SDCCAG8: variants seen among roughly 807,000 people sequenced by gnomAD.
SDCCAG8 encodes the protein SHH signaling and ciliogenesis regulator SDCCAG8, also known as serologically defined colon cancer antigen 8.
A neutral mutation model predicts 101.8 loss-of-function variants in SDCCAG8; 74 were observed. The observed-to-expected ratio is 0.73, with a 90% CI of 0.60 to 0.88. The LOEUF is 0.88. Among genes scored for constraint, SDCCAG8 ranks in the 40% least tolerant of loss-of-function variants. SDCCAG8 has a pLI of 0.00. For synonymous variants in SDCCAG8, 281 were observed against 292.9 expected (o/e 0.96, Z 0.41); for missense variants, 787 against 822.6 (o/e 0.96, Z 0.53).
rs2068379887 is a variant in SDCCAG8, at chr1:243,274,668, A to G, written c.420+12A>G. 2 of 1,449,824 alleles carry G rather than the reference A, an allele frequency of 1.4e-6. No individual in the cohort carries two copies. The highest frequency in any genetic ancestry group is 1.9e-6 in the Non-Finnish European group (2 of 1,032,252). 89.8% of individuals were successfully genotyped at this position (1,449,824 alleles called of 1,614,324 possible). ...TTAAGTTCTGCAAGGTAAGTTTCTCATTAAGAATTTAAAACTAAATAAATG... is the reference window on the plus strand; with the variant it reads ...TTAAGTTCTGCAAGGTAAGTTTCTCGTTAAGAATTTAAAACTAAATAAATG... On this transcript the variant is annotated intron_variant, in intron 4 of 17. Transcript: ENST00000366541.
At chr1:243,340,398 T>G (rs2075315684) in intron 10 of SDCCAG8, among the ~76,000 whole-genome samples, 1 of 152,150 alleles carries the variant, frequency 6.6e-6, no homozygotes, top group African/African-American at 2.4e-5. Context: ...ACCCTGAACG[T>G]GGGAAGGGTC....
chr1:243,491,753 T>C (rs899080047), intron 17 of SDCCAG8, among the ~76,000 whole-genome samples: 10 of 152,204 alleles, frequency 6.6e-5, no homozygotes, highest in Admixed American at 4.6e-4. Flanking sequence ...GCCTGAGGGC[T>C]CCGGAGTGCT....
chr1:243,322,699 C>G (rs2073852682), intron 9 of SDCCAG8, among the ~76,000 whole-genome samples: 1 of 152,050 alleles, frequency 6.6e-6, no homozygotes, highest in African/African-American at 2.4e-5. Context: ...CACTAGCACT[C>G]TACAGTGCCT....
At position 243,477,033 on chromosome 1, in the gene SDCCAG8, C is replaced by G. The variant is rs79433468; in HGVS notation, c.1986-11981C>G. ...ACACACACACACACACACACACACACAGAGAGAAAGGCAGGAGAGCGTAAT... is the reference window on the plus strand; with the variant it reads ...ACACACACACACACACACACACACAGAGAGAGAAAGGCAGGAGAGCGTAAT... On this transcript the variant is annotated intron_variant, in intron 16 of 17. Transcript: ENST00000366541. 7.3e-3 allele frequency among the ~76,000 whole-genome samples: 1,095 copies of G among 150,370 alleles called. 13 individuals are homozygous for G. Among genetic ancestry groups the G allele is most frequent in the East Asian group, 0.033 (169 of 5,128 alleles).
Position 243,499,769 on chromosome 1 carries a change from C to T in SDCCAG8, c.2126C>T (p.Pro709Leu), listed in dbSNP as rs1489827909. The change falls in exon 18 of 18, where the codon CCA becomes CTA. Residue 709 changes from proline to leucine, a missense_variant. Transcript: ENST00000366541. ...DRLRTQLPSM[P>L]QSDC is the part of the protein sequence containing the mutation. ...TATTTTTTCCAGTTACCCAGCATGC[C>T]ACAATCTGATTGCTGACCTGGATGG... 6.2e-7 allele frequency: 1 copy of T among 1,612,406 alleles called. No homozygotes were observed. Among genetic ancestry groups the T allele is most frequent in the East Asian group, 2.2e-5 (1 of 44,878 alleles).
intron 13 of SDCCAG8, among the ~76,000 whole-genome samples, chr1:243,394,996 A>T (rs908762568): frequency 6.6e-6 from 1 of 152,134 alleles, no homozygotes; most frequent in African/African-American, 2.4e-5. Flanking sequence ...TGAGTTCCTG[A>T]ATTAGTCCAT....
intron 12 of SDCCAG8, among the ~76,000 whole-genome samples, chr1:243,368,220 AAAAAG>A (rs2077093610): frequency 6.6e-6 from 1 of 151,998 alleles, no homozygotes; most frequent in Non-Finnish European, 1.5e-5. Context: ...TCAAAAAAAA[AAAAAG>A]AAGAAGAAGA....
At chr1:243,278,810 T>G (rs906801708) in intron 4 of SDCCAG8, among the ~76,000 whole-genome samples, 1 of 152,130 alleles carries the variant, frequency 6.6e-6, no homozygotes, top group Admixed American at 6.5e-5. Context: ...TGAGGAAGGG[T>G]CTTGCTGGAG....
At chr1:243,408,365 CAGG>C (rs2079935295) in intron 13 of SDCCAG8, among the ~76,000 whole-genome samples, 1 of 152,120 alleles carries the variant, frequency 6.6e-6, no homozygotes, top group Admixed American at 6.6e-5. Flanking sequence ...CCACTTGAGG[CAGG>C]AGATGTGTTT....
intron 12 of SDCCAG8, among the ~76,000 whole-genome samples, chr1:243,347,378 C>T (rs1046109996): frequency 2.0e-5 from 3 of 152,140 alleles, no homozygotes; most frequent in Non-Finnish European, 4.4e-5. Flanking sequence ...TTCTTTGTCT[C>T]AAAAATGTTG....
chr1:243,278,149 T>C (rs2068731532), intron 4 of SDCCAG8, among the ~76,000 whole-genome samples: 1 of 152,344 alleles, frequency 6.6e-6, no homozygotes, highest in African/African-American at 2.4e-5. Flanking sequence ...TACTTAGATC[T>C]TCTTTGATTT....
intron 13 of SDCCAG8, among the ~76,000 whole-genome samples, chr1:243,404,167 A>G (rs185960920): frequency 1.3e-5 from 2 of 152,282 alleles, no homozygotes; most frequent in Admixed American, 1.3e-4. Context: ...GTATTTTAGG[A>G]TTTCAGTTGC....
chr1:243,440,978 A>T (rs1423054666), intron 16 of SDCCAG8, among the ~76,000 whole-genome samples: 1 of 152,172 alleles, frequency 6.6e-6, no homozygotes, highest in Non-Finnish European at 1.5e-5. Context: ...CTAGAAATTA[A>T]TTGGTTTAAA....
chr1:243,379,946 A>G (rs149348888), intron 13 of SDCCAG8, among the ~76,000 whole-genome samples: 48 of 152,328 alleles, frequency 3.2e-4, no homozygotes, highest in African/African-American at 1.1e-3. Context: ...AAAATATTCT[A>G]GAGGTTGGTG....
chr1:243,339,468 C>G (rs1343144300), intron 10 of SDCCAG8, among the ~76,000 whole-genome samples: 1 of 152,050 alleles, frequency 6.6e-6, no homozygotes, highest in Non-Finnish European at 1.5e-5. Context: ...TATTTAACTT[C>G]TTTTCAACCT....
intron 13 of SDCCAG8, among the ~76,000 whole-genome samples, chr1:243,414,843 A>ATG (rs1491115426): frequency 3.3e-5 from 3 of 92,118 alleles, no homozygotes; most frequent in East Asian, 5.2e-4. Flanking sequence ...AACCATTCTA[A>ATG]TATGTGTGTG....
Position 243,308,046 on chromosome 1 carries a change from T to C in SDCCAG8, c.798T>C (p.His266=), listed in dbSNP as rs74586093. Residue 266 remains histidine (H), a synonymous_variant, in exon 8 of 18, where the codon CAT becomes CAC. Coordinates refer to ENST00000366541, the MANE Select transcript of SDCCAG8 (RefSeq NM_006642.5). ...TCEDLKEQLK[H]KEFLLAANTC... is the part of the protein sequence containing the mutation. Reference sequence around the variant, plus strand: ...AAGATCTTAAAGAGCAACTAAAGCATAAAGAATTTCTTCTGGCTGCTAATA... The same window carrying C: ...AAGATCTTAAAGAGCAACTAAAGCACAAAGAATTTCTTCTGGCTGCTAATA... The C allele has an allele frequency of 4.1e-4, 662 of 1,614,156 alleles. 5 individuals are homozygous for C. The East Asian group carries it at 0.014, about 33-fold the overall frequency.
chr1:243,318,449 C>T (rs1478265215), intron 9 of SDCCAG8: 1 of 446,308 alleles, frequency 2.2e-6, no homozygotes, highest in African/African-American at 2.1e-5. Flanking sequence ...ATAACAAAAC[C>T]CCGTGACATG....
Position 243,489,080 on chromosome 1 carries a change from G to A in SDCCAG8, c.2052G>A (p.Gln684=). ...AGCTGGTGCAGCTCCTCAGCAAGCA[G>A]AACCAGCTTCTCCTGGAGAGGCAGA... The part of the protein sequence containing the change: ...AQQLVQLLSK[Q]NQLLLERQSL... The change falls in exon 17 of 18, where the codon CAG becomes CAA. Residue 684 remains glutamine (Q), a synonymous_variant. Coordinates refer to ENST00000366541, the MANE Select transcript of SDCCAG8 (RefSeq NM_006642.5). The A allele has an allele frequency of 6.2e-7, 1 of 1,613,430 alleles. No individual in the cohort carries two copies. Among genetic ancestry groups the A allele is most frequent in the South Asian group, 1.1e-5 (1 of 91,066 alleles).
Sources: gnomAD v4.1 joint callset for allele counts (sites outside exome capture counted in the v4.1 genomes callset) on GRCh38, gnomAD v4.1.1 for gene constraint, MANE v1.5 for transcripts, NCBI Gene and HGNC (gene_info 2026-07-23, HGNC 2026-07-21) for gene names.